ATP10B: variants seen among roughly 807,000 people sequenced by gnomAD.
ATP10B encodes the protein ATPase phospholipid transporting 10B (putative), also known as phospholipid-transporting ATPase VB.
A neutral mutation model predicts 141.2 loss-of-function variants in ATP10B; 122 were observed. The ratio of observed to expected loss-of-function variants is 0.86; its 90% CI spans 0.75 to 1.00. The LOEUF (loss-of-function observed/expected upper bound fraction) is 1.00, where lower values mean the gene tolerates loss of function less well. Ranked by LOEUF, ATP10B falls within the 50% of genes least tolerant of loss-of-function variation. The pLI is 0.00. For synonymous variants in ATP10B, 685 were observed against 692.0 expected (o/e 0.99, Z 0.16); for missense variants, 1,876 against 1,825.3 (o/e 1.03, Z -0.51).
chr5:160,590,926 G>T lies in ATP10B; in HGVS notation c.3645+133C>A, dbSNP rs572980831. 7.3e-6 allele frequency: 5 copies of T among 685,274 alleles called. No homozygotes were observed. The East Asian group carries it at 8.1e-5, about 11-fold the overall frequency. The allele number at this position is 685,274 out of a possible 1,614,324, so 42.4% of individuals were successfully genotyped here. A position where few individuals can be genotyped will look rare whatever the true frequency, so the allele number is the denominator to read the frequency against. Reference sequence around the variant, plus strand: ...ACTTTTCAAACACCTTGGGTTGGATGTAACCTGCAGGCTACCTGTTTGAGC... The same window carrying T: ...ACTTTTCAAACACCTTGGGTTGGATTTAACCTGCAGGCTACCTGTTTGAGC... On this transcript the variant is annotated intron_variant, in intron 23 of 25. Transcript: ENST00000327245.
intron 23 of ATP10B, among the ~76,000 whole-genome samples, chr5:160,590,582 T>A (rs1756224053): frequency 6.6e-6 from 1 of 152,190 alleles, no homozygotes. Context: ...GATAATGTAG[T>A]ATCTCATTAT....
intron 7 of ATP10B, among the ~76,000 whole-genome samples, chr5:160,655,765 G>A (rs1471815107): frequency 3.3e-5 from 5 of 152,130 alleles, no homozygotes; most frequent in East Asian, 1.9e-4. Flanking sequence ...TCATTCATGC[G>A]TGCATTCAAG....
chr5:160,652,809 ATATAT>A (rs1191720607), intron 7 of ATP10B, among the ~76,000 whole-genome samples: 7 of 95,698 alleles, frequency 7.3e-5, no homozygotes, highest in South Asian at 2.7e-4. Flanking sequence ...ATATTATATA[ATATAT>A]TATATATTAA....
chr5:160,790,202 C>G (rs1771468578), intron 1 of ATP10B, among the ~76,000 whole-genome samples: 1 of 152,118 alleles, frequency 6.6e-6, no homozygotes, highest in Admixed American at 6.6e-5. Flanking sequence ...TATCTTTTCT[C>G]TTCTCTCTGA....
the ATP10B span, among the ~76,000 whole-genome samples, chr5:160,907,354 G>A: frequency 6.6e-5 from 10 of 151,592 alleles, no homozygotes; most frequent in Non-Finnish European, 1.0e-4. Flanking sequence ...TGTACTAAAC[G>A]CTAAACTCTT....
At chr5:160,788,207 G>A (rs1353834361) in intron 1 of ATP10B, among the ~76,000 whole-genome samples, 2 of 152,128 alleles carry the variant, frequency 1.3e-5, no homozygotes, top group African/African-American at 4.8e-5. Flanking sequence ...CTGGAGAAGA[G>A]GAAAATGTTC....
the ATP10B span, among the ~76,000 whole-genome samples, chr5:160,911,384 CA>C: frequency 6.6e-6 from 1 of 152,096 alleles, no homozygotes; most frequent in South Asian, 2.1e-4. Flanking sequence ...TCAATGGACC[CA>C]AAAGGATTTG....
At chr5:160,579,364 TC>T (rs1167036009) in intron 24 of ATP10B, among the ~76,000 whole-genome samples, 1 of 152,084 alleles carries the variant, frequency 6.6e-6, no homozygotes, top group Non-Finnish European at 1.5e-5. Flanking sequence ...AAGGAAGGGG[TC>T]CAGTTTGTTT....
chr5:160,737,353 A>T (rs545821684), intron 2 of ATP10B, among the ~76,000 whole-genome samples: 5 of 152,240 alleles, frequency 3.3e-5, no homozygotes, highest in Non-Finnish European at 7.3e-5. Flanking sequence ...CATGACAAGG[A>T]TGCTCACTTT....
chr5:160,688,672 T>A (rs1763907510), intron 4 of ATP10B, 88 bp downstream of exon 4: 1 of 723,286 alleles, frequency 1.4e-6, no homozygotes, highest in South Asian at 6.3e-5. Context: ...TTGGGACACA[T>A]CTTAAAACAA....
In ATP10B at chr5:160,632,328, C is replaced by A; in HGVS notation, c.1421G>T (p.Gly474Val). The change falls in exon 13 of 26, where the codon GGT becomes GTT. Residue 474 changes from glycine to valine, a missense_variant. Gly to Val is a moderately radical substitution (Grantham distance 109). Coordinates refer to ENST00000327245, the MANE Select transcript of ATP10B (RefSeq NM_025153.3). ...LETPKELDSD[G>V]EEWTQYQCLS... is the part of the protein sequence containing the mutation. ...GCATTGGTATTGGGTCCACTCTTCA[C>A]CATCTGAGTCCAGCTCCTTTGGGGT... 6.2e-7 allele frequency: 1 copy of A among 1,614,210 alleles called. No homozygotes were observed. Among genetic ancestry groups the A allele is most frequent in the Non-Finnish European group, 8.5e-7 (1 of 1,180,028 alleles).
chr5:160,806,039 AGT>A (rs923649353), intron 1 of ATP10B, among the ~76,000 whole-genome samples: 2 of 152,106 alleles, frequency 1.3e-5, no homozygotes, highest in African/African-American at 4.8e-5. Context: ...AGGCAGAGAG[AGT>A]GAGTTCTCCC....
At chr5:160,678,671 A>T (rs1225082061) in intron 6 of ATP10B, among the ~76,000 whole-genome samples, 1 of 152,186 alleles carries the variant, frequency 6.6e-6, no homozygotes, top group Non-Finnish European at 1.5e-5. Flanking sequence ...AAACAAAAAA[A>T]TTACTTAGTA....
intron 2 of ATP10B, among the ~76,000 whole-genome samples, chr5:160,719,778 C>T (rs570388545): frequency 6.6e-6 from 1 of 152,330 alleles, no homozygotes; most frequent in Admixed American, 6.5e-5. Context: ...TACTTACCAT[C>T]ACTTTGCAAG....
intron 2 of ATP10B, among the ~76,000 whole-genome samples, chr5:160,779,155 A>G (rs945496438): frequency 6.6e-6 from 1 of 152,214 alleles, no homozygotes; most frequent in African/African-American, 2.4e-5. Flanking sequence ...AAAGGCTACT[A>G]AACACCAGTA....
chr5:160,630,360 G>C (rs1581227467), intron 13 of ATP10B, among the ~76,000 whole-genome samples: 1 of 152,154 alleles, frequency 6.6e-6, no homozygotes. Context: ...AAGATTTACT[G>C]CCTGGACCAG....
chr5:160,904,084 C>A, the ATP10B span, among the ~76,000 whole-genome samples: 2 of 152,064 alleles, frequency 1.3e-5, no homozygotes, highest in Non-Finnish European at 2.9e-5. Context: ...TACTACCCTG[C>A]TCCCCTGGAA....
the ATP10B span, among the ~76,000 whole-genome samples, chr5:160,870,699 A>T: frequency 1.3e-5 from 2 of 152,086 alleles, no homozygotes; most frequent in African/African-American, 4.8e-5. Flanking sequence ...TGTCAGACAC[A>T]AAGCCAGAAA....
chr5:160,766,208 G>A (rs1769395746), intron 2 of ATP10B, among the ~76,000 whole-genome samples: 1 of 151,974 alleles, frequency 6.6e-6, no homozygotes, highest in Admixed American at 6.6e-5. Context: ...CTGTGTATGT[G>A]CCCAGAGGAA....
Sources: gnomAD v4.1 joint callset for allele counts (sites outside exome capture counted in the v4.1 genomes callset) on GRCh38, gnomAD v4.1.1 for gene constraint, MANE v1.5 for transcripts, NCBI Gene and HGNC (gene_info 2026-07-23, HGNC 2026-07-21) for gene names.